Variants in OSTM1 observed in about 807,000 individuals in gnomAD.
OSTM1 encodes the protein osteopetrosis-associated transmembrane protein 1.
OSTM1 carries 26 observed loss-of-function variants against 35.4 expected under a neutral mutation model. The ratio of observed to expected loss-of-function variants is 0.73; its 90% CI spans 0.54 to 1.02. OSTM1 has a LOEUF of 1.02. Ranked by LOEUF, OSTM1 falls within the 50% of genes least tolerant of loss-of-function variation. The pLI is 0.00. For missense variants in OSTM1, 366 were observed against 409.6 expected (o/e 0.89, Z 0.92); for synonymous variants, 181 against 165.0 (o/e 1.10, Z -0.75).
chr6:108,072,263 G>C (rs1195687956), intron 1 of OSTM1, among the ~76,000 whole-genome samples: 1 of 152,112 alleles, frequency 6.6e-6, no homozygotes, highest in African/African-American at 2.4e-5. Context: ...GTGATAGTAA[G>C]ATATATATTC....
chr6:108,056,756 A>G (rs540700630), intron 2 of OSTM1, among the ~76,000 whole-genome samples: 1 of 152,278 alleles, frequency 6.6e-6, no homozygotes, highest in East Asian at 1.9e-4. Context: ...AACCTATTTC[A>G]GGAGTTGTCC....
chr6:108,049,624 C>G (rs1429039046), intron 4 of OSTM1: 2 of 1,242,486 alleles, frequency 1.6e-6, no homozygotes, highest in Admixed American at 3.0e-5. Flanking sequence ...TATATCCATA[C>G]AGAAATTTCA....
rs368028168 is a variant in OSTM1 at position 108,051,160 on chromosome 6, T to C, written c.654A>G (p.Ser218=). 3.1e-6 allele frequency: 5 copies of C among 1,613,488 alleles called. No homozygotes were observed. The African/African-American group carries it at 4.0e-5, about 13-fold the overall frequency. Residue 218 remains serine (S), a synonymous_variant, in exon 4 of 6, where the codon TCA becomes TCG. Transcript: ENST00000193322. ...AHSLLQTKNY[S]EVCKNCREAY... ...CTTCACGGCAGTTTTTGCATACTTC[T>C]GAATAATTTTTTGTCTGTAAAAGAC... is the stretch of plus-strand genomic sequence containing the variant.
rs573274541 is a variant in OSTM1 at position 108,043,714 on chromosome 6, C to T, written c.*1071G>A. The stretch of plus-strand genomic sequence containing the variant: ...GATTTCATTTCAATCGTATCACTTT[C>T]ATCTGATTGAAATAATTTAGAAACA... On this transcript the variant is annotated 3_prime_UTR_variant, in exon 6 of 6. Transcript: ENST00000193322. The T allele has an allele frequency of 1.3e-5, 2 of 152,318 alleles. No individual in the cohort carries two copies. The highest frequency in any genetic ancestry group is 1.9e-4 in the East Asian group (1 of 5,182). The allele number at this position is 152,318 out of a possible 1,614,324, so 9.4% of individuals were successfully genotyped here.
chr6:108,071,654 C>T (rs779915173), intron 1 of OSTM1, among the ~76,000 whole-genome samples: 1 of 151,916 alleles, frequency 6.6e-6, no homozygotes, highest in Non-Finnish European at 1.5e-5. Flanking sequence ...ACTCCCAAAC[C>T]AGTCCATATA....
rs145724964 is a variant in OSTM1 at position 108,049,452 on chromosome 6, A to G, written c.784-34T>C. The G allele has an allele frequency of 6.7e-3, 10,688 of 1,606,896 alleles. 57 individuals are homozygous for G. The highest frequency in any genetic ancestry group is 7.7e-3 in the Non-Finnish European group (8,994 of 1,174,132). On this transcript the variant is annotated intron_variant, in intron 4 of 5. Coordinates refer to ENST00000193322, the MANE Select transcript of OSTM1 (RefSeq NM_014028.4). Reference sequence around the variant, plus strand: ...AGAGCAAACAATATCTTTCTATTTTATATTTAACTTGTCTTCAATTTCTTA... The same window carrying G: ...AGAGCAAACAATATCTTTCTATTTTGTATTTAACTTGTCTTCAATTTCTTA...
At chr6:108,050,899 C>G in intron 4 of OSTM1, 132 bp downstream of exon 4, 1 of 787,824 alleles carries the variant, frequency 1.3e-6, no homozygotes, top group Non-Finnish European at 2.2e-6. Flanking sequence ...AACTTTACTA[C>G]TTTATAACTA....
chr6:108,074,367 G>A lies in OSTM1; in HGVS notation c.285C>T (p.Ser95=), dbSNP rs1283345600. 1 of 1,597,240 alleles carries A rather than the reference G, an allele frequency of 6.3e-7. No homozygotes were observed. ...GCACCAGACACCCTGTCAGCTCTGCGCTGCTGTTGGCGAAGTCCAGCAGGA... is the reference window on the plus strand; with the variant it reads ...GCACCAGACACCCTGTCAGCTCTGCACTGCTGTTGGCGAAGTCCAGCAGGA... The part of the protein sequence containing the change: ...RELLLDFANS[S]AELTGCLVRS... Residue 95 remains serine (S), a synonymous_variant, in exon 1 of 6, where the codon AGC becomes AGT. Coordinates refer to ENST00000193322, the MANE Select transcript of OSTM1 (RefSeq NM_014028.4).
chr6:108,058,777 T>TAA (rs1235592259), intron 2 of OSTM1, among the ~76,000 whole-genome samples: 24 of 145,738 alleles, frequency 1.6e-4, no homozygotes, highest in African/African-American at 5.8e-4. Context: ...GACTCCGTCT[T>TAA]AAAAAAAAAA....
chr6:108,058,709 C>T lies in OSTM1; in HGVS notation c.518-4122G>A, dbSNP rs975872763. ...AGGAGAATGGCGTGAACCTGGGAGGCGGAGCTTGCAGTGAACTGAGATCGC... is the reference window on the plus strand; with the variant it reads ...AGGAGAATGGCGTGAACCTGGGAGGTGGAGCTTGCAGTGAACTGAGATCGC... On this transcript the variant is annotated intron_variant, in intron 2 of 5. Coordinates refer to ENST00000193322, the MANE Select transcript of OSTM1 (RefSeq NM_014028.4). Among the ~76,000 whole-genome samples the T allele has an allele frequency of 1.4e-4, 22 of 151,804 alleles. 1 individual carries two copies. In the South Asian group the frequency reaches 1.5e-3, roughly 10 times the overall value.
chr6:108,071,460 ATTTTTTTTTTTTTTT>A (rs545759140), intron 1 of OSTM1, among the ~76,000 whole-genome samples: 1 of 103,420 alleles, frequency 9.7e-6, no homozygotes, highest in Admixed American at 1.1e-4. Context: ...CACCCGGCTA[ATTTTTTTTTTTTTTT>A]TTTTTTTTTG....
In OSTM1 at chr6:108,051,004, G is replaced by C. The variant is rs3757302; in HGVS notation, c.783+27C>G. On this transcript the variant is annotated intron_variant, in intron 4 of 5. Transcript: ENST00000193322. ...TACATTCAATAACACTCTAAAATAT[G>C]TATCACATCAGAAGCAAAGTACTTA... 0.031 allele frequency: 48,341 copies of C among 1,557,642 alleles called. 1,635 individuals carry two copies. The highest frequency in any genetic ancestry group is 0.18 in the African/African-American group (12,999 of 73,772).
At chr6:108,071,460 ATTTTTTTTTT>A (rs545759140) in intron 1 of OSTM1, among the ~76,000 whole-genome samples, 53 of 103,420 alleles carry the variant, frequency 5.1e-4, no homozygotes, top group Non-Finnish European at 7.1e-4. Flanking sequence ...CACCCGGCTA[ATTTTTTTTTT>A]TTTTTTTTTT....
rs879811810 is a variant in OSTM1, at chr6:108,074,681, C to A, written c.-30G>T. On this transcript the variant is annotated 5_prime_UTR_variant, in exon 1 of 6. Transcript: ENST00000193322. The stretch of plus-strand genomic sequence containing the variant: ...GGGCTCACACACCCCAGGGAGCCCA[C>A]CGCCGCCTCTCCGCCCCCAGCCGGC... 10 of 1,507,912 alleles carry A rather than the reference C, an allele frequency of 6.6e-6. No homozygotes were observed. In the East Asian group the frequency reaches 1.6e-4, roughly 24 times the overall value. The allele number at this position is 1,507,912 out of a possible 1,614,324, so 93.4% of individuals were successfully genotyped here.
intron 1 of OSTM1, among the ~76,000 whole-genome samples, chr6:108,068,667 C>T (rs1283300167): frequency 6.6e-6 from 1 of 152,090 alleles, no homozygotes; most frequent in Non-Finnish European, 1.5e-5. Flanking sequence ...CACACCACTG[C>T]AACAGTCTCC....
Position 108,073,948 on chromosome 6 carries a change from GAGA to G in OSTM1, c.402+299_402+301del, listed in dbSNP as rs144844057. The G allele has an allele frequency of 1.6e-3, 716 of 449,952 alleles. 9 individuals are homozygous for G. In the East Asian group the frequency reaches 0.024, roughly 15 times the overall value. The allele number at this position is 449,952 out of a possible 1,614,324, so 27.9% of individuals were successfully genotyped here. On this transcript the variant is annotated intron_variant, in intron 1 of 5. Coordinates refer to ENST00000193322, the MANE Select transcript of OSTM1 (RefSeq NM_014028.4). Reference sequence around the variant, plus strand: ...CTTCCTGGCAACTCCAGGTGAAGATGAGAAGAAGCCGTGGTGGAGTGGGTGGAG... The same window carrying G: ...CTTCCTGGCAACTCCAGGTGAAGATGAGAAGCCGTGGTGGAGTGGGTGGAG...
intron 1 of OSTM1, among the ~76,000 whole-genome samples, chr6:108,072,581 C>T (rs1284852022): frequency 2.7e-5 from 4 of 148,720 alleles, no homozygotes; most frequent in African/African-American, 7.5e-5. Context: ...TGCAGTGAGC[C>T]GAGATGACAC....
Position 108,063,355 on chromosome 6 carries a change from C to T in OSTM1, c.517+830G>A, listed in dbSNP as rs115068863. Among the ~76,000 whole-genome samples, 897 of 152,212 alleles carry T rather than the reference C, an allele frequency of 5.9e-3. 11 individuals carry two copies. The highest frequency in any genetic ancestry group is 0.021 in the African/African-American group (872 of 41,542). ...TGAAATCATGTCCAATAGTACAGGCCTAGGTTCAAAAGGTAGCTCCTCCAG... is the reference window on the plus strand; with the variant it reads ...TGAAATCATGTCCAATAGTACAGGCTTAGGTTCAAAAGGTAGCTCCTCCAG... On this transcript the variant is annotated intron_variant, in intron 2 of 5. Transcript: ENST00000193322.
chr6:108,051,096 T>C lies in OSTM1; in HGVS notation c.718A>G (p.Lys240Glu), dbSNP rs1456288049. The C allele has an allele frequency of 6.2e-7, 1 of 1,613,744 alleles. No homozygotes were observed. Among genetic ancestry groups the C allele is most frequent in the Non-Finnish European group, 8.5e-7 (1 of 1,179,794 alleles). Residue 240 changes from lysine (K) to glutamate (E), a missense_variant, in exon 4 of 6, where the codon AAA becomes GAA. Transcript: ENST00000193322. The part of the protein sequence containing the change: ...TLSSLYSEMQ[K>E]MNELENKAEP... Reference sequence around the variant, plus strand: ...GCCTTATTCTCAAGTTCATTCATTTTTTGCATTTCACTGTACAGACTACTC... The same window carrying C: ...GCCTTATTCTCAAGTTCATTCATTTCTTGCATTTCACTGTACAGACTACTC...
Sources: allele counts gnomAD v4.1 joint callset (sites outside exome capture counted in the v4.1 genomes callset), GRCh38; gene constraint gnomAD v4.1.1; transcripts MANE v1.5; gene names NCBI Gene and HGNC (gene_info 2026-07-23, HGNC 2026-07-21).